Variants in IMPG1 observed in about 807,000 individuals in gnomAD.
IMPG1 encodes the protein interphotoreceptor matrix proteoglycan 1.
IMPG1 carries 85 observed loss-of-function variants against 92.0 expected under a neutral mutation model. That is an observed-to-expected ratio of 0.92 (90% CI 0.78 to 1.11). The LOEUF is 1.11. Ranked by LOEUF, IMPG1 falls within the 50% of genes least tolerant of loss-of-function variation. The pLI is 0.00. For missense variants in IMPG1, 1,022 were observed against 956.0 expected (o/e 1.07, Z -0.91); for synonymous variants, 367 against 334.1 (o/e 1.10, Z -1.08).
intron 1 of IMPG1, among the ~76,000 whole-genome samples, chr6:76,067,512 C>T (rs572740529): frequency 6.6e-6 from 1 of 151,978 alleles, no homozygotes; most frequent in South Asian, 2.1e-4. Flanking sequence ...CTGAATAGAA[C>T]AATAATGAAT....
At chr6:76,032,580 A>G (rs775532450) in intron 4 of IMPG1, among the ~76,000 whole-genome samples, 24 of 152,192 alleles carry the variant, frequency 1.6e-4, no homozygotes, top group Non-Finnish European at 3.2e-4. Flanking sequence ...TTATACTCCT[A>G]CAGGAAAACT....
chr6:75,923,622 G>A lies in IMPG1; in HGVS notation c.2316+12C>T. 7.4e-7 allele frequency: 1 copy of A among 1,349,484 alleles called. No homozygotes were observed. The highest frequency in any genetic ancestry group is 1.4e-5 in the African/African-American group (1 of 70,648). 83.6% of individuals were successfully genotyped at this position (1,349,484 alleles called of 1,614,324 possible). ...TTAGTAATTGCAACCAACTTAGAAA[G>A]TATGATTTTACCTTGTTATTTTGTT... On this transcript the variant is annotated intron_variant, in intron 16 of 16. Coordinates refer to ENST00000369950, the MANE Select transcript of IMPG1 (RefSeq NM_001563.4).
chr6:75,946,253 G>T (rs1461790866), intron 14 of IMPG1, among the ~76,000 whole-genome samples: 2 of 152,322 alleles, frequency 1.3e-5, no homozygotes, highest in East Asian at 3.9e-4. Context: ...TAAGGATCCT[G>T]TTTACTAAGG....
chr6:75,976,590 G>T (rs758214931), intron 12 of IMPG1, among the ~76,000 whole-genome samples: 2 of 151,592 alleles, frequency 1.3e-5, no homozygotes, highest in African/African-American at 2.4e-5. Flanking sequence ...CCAGCAAAAG[G>T]CTGAGAGATT....
At chr6:76,059,296 C>A (rs1008592714) in intron 1 of IMPG1, among the ~76,000 whole-genome samples, 2 of 152,112 alleles carry the variant, frequency 1.3e-5, no homozygotes, top group Admixed American at 6.6e-5. Flanking sequence ...ATACATAACA[C>A]ACTGCTAAAT....
In IMPG1 at chr6:76,054,370, A is replaced by G. The variant is rs140552444; in HGVS notation, c.68-12244T>C. ...TAGGACCAAGTCAAATTTAAATTTC[A>G]GATAAATTTTCAGTAAAAGTATGTC... On this transcript the variant is annotated intron_variant, in intron 1 of 16. Transcript: ENST00000369950. Among the ~76,000 whole-genome samples, 97 of 152,238 alleles carry G rather than the reference A, an allele frequency of 6.4e-4. 1 individual carries two copies. Among genetic ancestry groups the G allele is most frequent in the African/African-American group, 2.2e-3 (92 of 41,554 alleles).
At chr6:76,049,588 C>T (rs1482529068) in intron 1 of IMPG1, among the ~76,000 whole-genome samples, 1 of 152,184 alleles carries the variant, frequency 6.6e-6, no homozygotes, top group Non-Finnish European at 1.5e-5. Context: ...CTATCTAACA[C>T]ACAATATACA....
intron 12 of IMPG1, among the ~76,000 whole-genome samples, chr6:75,997,247 C>T (rs1324939896): frequency 6.6e-6 from 1 of 152,138 alleles, no homozygotes; most frequent in African/African-American, 2.4e-5. Flanking sequence ...AAGCAATAAA[C>T]TTCTGTTAGG....
intron 5 of IMPG1, 33 bp downstream of exon 5, chr6:76,025,160 AG>A: frequency 7.7e-7 from 1 of 1,293,094 alleles, no homozygotes; most frequent in South Asian, 1.2e-5. Flanking sequence ...TTTGAATGAA[AG>A]TTGAGAAGCA....
At chr6:76,061,154 G>A (rs776865637) in intron 1 of IMPG1, among the ~76,000 whole-genome samples, 16 of 152,132 alleles carry the variant, frequency 1.1e-4, no homozygotes, top group Non-Finnish European at 1.8e-4. Flanking sequence ...AGTGACACAA[G>A]CCTAAAGGGG....
intron 2 of IMPG1, among the ~76,000 whole-genome samples, chr6:76,038,424 C>T (rs1783778788): frequency 6.6e-6 from 1 of 151,930 alleles, no homozygotes; most frequent in Non-Finnish European, 1.5e-5. Context: ...TTTTTTGTGG[C>T]TCCTCTGATG....
chr6:75,982,788 T>C (rs1393626400), intron 12 of IMPG1, among the ~76,000 whole-genome samples: 1 of 152,084 alleles, frequency 6.6e-6, no homozygotes, highest in Non-Finnish European at 1.5e-5. Context: ...AGGTTCACAT[T>C]TTGTAGCTAT....
At chr6:75,942,520 C>A (rs1441604731) in intron 14 of IMPG1, among the ~76,000 whole-genome samples, 1 of 152,208 alleles carries the variant, frequency 6.6e-6, no homozygotes, top group African/African-American at 2.4e-5. Flanking sequence ...GAGCCAAGAG[C>A]TGTGTAAATT....
chr6:75,959,413 G>A (rs1782178724), intron 12 of IMPG1, among the ~76,000 whole-genome samples: 1 of 152,222 alleles, frequency 6.6e-6, no homozygotes, highest in Non-Finnish European at 1.5e-5. Context: ...GAGATCTGCT[G>A]CTCTCTTCAG....
At chr6:75,979,044 G>A (rs1388789047) in intron 12 of IMPG1, among the ~76,000 whole-genome samples, 2 of 152,040 alleles carry the variant, frequency 1.3e-5, no homozygotes, top group African/African-American at 2.4e-5. Flanking sequence ...TCCCAGGTAG[G>A]TGTGACTACA....
At chr6:76,054,495 C>T (rs1049784403) in intron 1 of IMPG1, among the ~76,000 whole-genome samples, 5 of 151,968 alleles carry the variant, frequency 3.3e-5, no homozygotes, top group Non-Finnish European at 7.4e-5. Flanking sequence ...CCATGATTTG[C>T]TGTTTTAAGA....
At chr6:76,051,965 C>A (rs1323640376) in intron 1 of IMPG1, among the ~76,000 whole-genome samples, 1 of 151,770 alleles carries the variant, frequency 6.6e-6, no homozygotes, top group African/African-American at 2.4e-5. Flanking sequence ...TGAGCCCTAC[C>A]TCATTGCACA....
chr6:76,036,060 A>T (rs762926954), intron 2 of IMPG1, among the ~76,000 whole-genome samples: 1 of 152,214 alleles, frequency 6.6e-6, no homozygotes, highest in African/African-American at 2.4e-5. Flanking sequence ...ACAAAACTCC[A>T]TCTGTTCCCA....
At chr6:75,957,994 G>A (rs374222049) in intron 12 of IMPG1, among the ~76,000 whole-genome samples, 56 of 152,156 alleles carry the variant, frequency 3.7e-4, no homozygotes, top group African/African-American at 1.3e-3. Flanking sequence ...GAGTTTCTTC[G>A]TAGTGTCTAT....
Sources: allele counts gnomAD v4.1 joint callset (sites outside exome capture counted in the v4.1 genomes callset), GRCh38; gene constraint gnomAD v4.1.1; transcripts MANE v1.5; gene names NCBI Gene and HGNC (gene_info 2026-07-23, HGNC 2026-07-21).